The following FTO variants were observed in gnomAD, a reference collection of about 807,000 sequenced individuals.
The protein encoded by FTO is alpha-ketoglutarate-dependent dioxygenase FTO.
Under a neutral mutation model 63.9 loss-of-function variants are expected in FTO, and 47 were observed. The observed-to-expected ratio is 0.74, with a 90% CI of 0.58 to 0.94. FTO has a LOEUF of 0.94. FTO is among the 40% of genes least tolerant of loss of function. The pLI, the probability that FTO is intolerant of heterozygous loss-of-function variation, is 0.00. For missense variants in FTO, 562 were observed against 618.1 expected (o/e 0.91, Z 0.96); for synonymous variants, 207 against 224.4 (o/e 0.92, Z 0.69).
intron 8 of FTO, among the ~76,000 whole-genome samples, chr16:54,086,674 T>A (rs2086260169): frequency 6.6e-6 from 1 of 152,238 alleles, no homozygotes; most frequent in African/African-American, 2.4e-5. Flanking sequence ...GCTATGGATC[T>A]AACCTTTCTT....
At chr16:54,037,256 C>T (rs1187250045) in intron 8 of FTO, among the ~76,000 whole-genome samples, 1 of 152,160 alleles carries the variant, frequency 6.6e-6, no homozygotes, top group African/African-American at 2.4e-5. Context: ...AAATCATATG[C>T]ATATTGGGGA....
Position 53,826,391 on chromosome 16 carries a change from G to C in FTO, c.651G>C (p.Glu217Asp). ...CTCAGAAAATGCCATACCTGAAAGA[G>C]GAACCTTATTTTGGCATGGGGAAAA... ...MDPQKMPYLK[E>D]EPYFGMGKMA... Residue 217 changes from glutamate (E) to aspartate (D), a missense_variant, in exon 3 of 9, where the codon GAG (glutamate) becomes GAC (aspartate). By Grantham distance (45) the Glu-to-Asp change is conservative. Transcript: ENST00000471389. 1 of 1,614,146 alleles carries C rather than the reference G, an allele frequency of 6.2e-7. No individual in the cohort carries two copies. Among genetic ancestry groups the C allele is most frequent in the Non-Finnish European group, 8.5e-7 (1 of 1,180,016 alleles).
chr16:53,924,240 C>T (rs528339892), intron 7 of FTO, among the ~76,000 whole-genome samples: 35 of 152,282 alleles, frequency 2.3e-4, no homozygotes, highest in Admixed American at 1.9e-3. Context: ...AAGAGCTTCA[C>T]GAGTTCGGTG....
At chr16:53,711,621 T>C (rs1392976633) in intron 1 of FTO, among the ~76,000 whole-genome samples, 1 of 152,214 alleles carries the variant, frequency 6.6e-6, no homozygotes, top group East Asian at 1.9e-4. Flanking sequence ...TTCAGAAACA[T>C]TAAAACTGTT....
At chr16:53,739,213 T>TTTAC (rs1324380314) in intron 1 of FTO, among the ~76,000 whole-genome samples, 1 of 150,004 alleles carries the variant, frequency 6.7e-6, no homozygotes, top group African/African-American at 2.5e-5. Flanking sequence ...TATTTATTTA[T>TTTAC]TTATTTATTT....
chr16:53,735,017 C>T (rs1268885234), intron 1 of FTO, among the ~76,000 whole-genome samples: 1 of 152,214 alleles, frequency 6.6e-6, no homozygotes, highest in Non-Finnish European at 1.5e-5. Flanking sequence ...TTAGAGAGCT[C>T]ATGATCCATT....
intron 7 of FTO, among the ~76,000 whole-genome samples, chr16:53,900,278 G>T (rs1165631169): frequency 6.6e-6 from 1 of 152,004 alleles, no homozygotes; most frequent in Non-Finnish European, 1.5e-5. Context: ...TTTTGTCTAG[G>T]TTGAAATAGC....
At chr16:53,921,008 A>C (rs527617714) in intron 7 of FTO, among the ~76,000 whole-genome samples, 8 of 152,332 alleles carry the variant, frequency 5.3e-5, no homozygotes, top group Middle Eastern at 6.8e-3. Context: ...GGAGTGAATT[A>C]TAACAAAGAG....
At chr16:54,055,239 AG>A (rs2085404921) in intron 8 of FTO, among the ~76,000 whole-genome samples, 1 of 152,202 alleles carries the variant, frequency 6.6e-6, no homozygotes, top group Non-Finnish European at 1.5e-5. Flanking sequence ...TATCTTGAAG[AG>A]GCCACGAACA....
At chr16:54,000,345 A>AT (rs2084038781) in intron 8 of FTO, among the ~76,000 whole-genome samples, 1 of 152,200 alleles carries the variant, frequency 6.6e-6, no homozygotes, top group African/African-American at 2.4e-5. Context: ...GAAATAGAGA[A>AT]TGGAGAACAG....
chr16:53,721,709 A>G (rs934045613), intron 1 of FTO, among the ~76,000 whole-genome samples: 2 of 152,148 alleles, frequency 1.3e-5, no homozygotes, highest in African/African-American at 2.4e-5. Context: ...CCAAATGCAG[A>G]GTGATAGTAT....
chr16:53,980,258 T>G (rs2083513083), intron 8 of FTO, among the ~76,000 whole-genome samples: 1 of 152,168 alleles, frequency 6.6e-6, no homozygotes, highest in Admixed American at 6.5e-5. Flanking sequence ...TTGGGCTCCT[T>G]TTACCGAACA....
intron 8 of FTO, among the ~76,000 whole-genome samples, chr16:54,056,721 G>T (rs1357603492): frequency 6.6e-6 from 1 of 152,176 alleles, no homozygotes; most frequent in African/African-American, 2.4e-5. Flanking sequence ...TCAAGCCTCA[G>T]GTGACTGCAG....
chr16:53,704,200 A>G lies in FTO; in HGVS notation c.16A>G (p.Thr6Ala), dbSNP rs913398301. The change falls in exon 1 of 9, where the codon ACT (threonine) becomes GCT (alanine). Residue 6 changes from threonine (T) to alanine (A), a missense_variant. Thr to Ala is a moderately conservative substitution (Grantham distance 58). Coordinates refer to ENST00000471389, the MANE Select transcript of FTO (RefSeq NM_001080432.3). MKRTP[T>A]AEEREREAKK... is the part of the protein sequence containing the mutation. ...TAGTGGCAGCATGAAGCGCACCCCG[A>G]CTGCCGAGGAACGAGAGCGCGAAGC... 30 of 1,551,376 alleles carry G rather than the reference A, an allele frequency of 1.9e-5. No homozygotes were observed. Among genetic ancestry groups the G allele is most frequent in the Non-Finnish European group, 2.0e-5 (23 of 1,146,850 alleles).
upstream of FTO, chr16:53,704,066 C>A (rs1971787666): frequency 1.8e-6 from 2 of 1,098,690 alleles, no homozygotes; most frequent in Non-Finnish European, 2.7e-6. Context: ...GTTTTTTCTA[C>A]TCAGAGGGAG....
intron 1 of FTO, among the ~76,000 whole-genome samples, chr16:53,756,906 C>T (rs948928453): frequency 2.6e-5 from 4 of 152,012 alleles, no homozygotes; most frequent in Admixed American, 2.6e-4. Flanking sequence ...AAAATTGTGA[C>T]CAAAGGAGAT....
intron 1 of FTO, among the ~76,000 whole-genome samples, chr16:53,760,620 T>G (rs559827674): frequency 1.3e-3 from 174 of 131,534 alleles, no homozygotes; most frequent in African/African-American, 4.3e-3. Context: ...CTGCTTGCTT[T>G]CTTTTTTTTT....
At chr16:53,831,977 A>G (rs1346609048) in intron 3 of FTO, among the ~76,000 whole-genome samples, 1 of 152,200 alleles carries the variant, frequency 6.6e-6, no homozygotes, top group Non-Finnish European at 1.5e-5. Flanking sequence ...GCCACTGAGG[A>G]GTAGAAGAAG....
rs2077365879 is a variant in FTO at position 53,772,656 on chromosome 16, C to A, written c.46-37484C>A. 2.6e-5 allele frequency among the ~76,000 whole-genome samples: 4 copies of A among 152,190 alleles called. No individual in the cohort carries two copies. The South Asian group carries it at 8.3e-4, about 32-fold the overall frequency. On this transcript the variant is annotated intron_variant, in intron 1 of 8. Transcript: ENST00000471389. ...TTAGCTTGAGGAAGACATGGATTTC[C>A]TTGGCACTGGTGTTGAATTGGGACT...
Sources: allele counts gnomAD v4.1 joint callset (sites outside exome capture counted in the v4.1 genomes callset), GRCh38; gene constraint gnomAD v4.1.1; transcripts MANE v1.5; gene names NCBI Gene and HGNC (gene_info 2026-07-23, HGNC 2026-07-21).